Variants in PLXND1 observed in about 807,000 individuals in gnomAD.
The protein encoded by PLXND1 is plexin-D1.
A neutral mutation model predicts 197.7 loss-of-function variants in PLXND1; 54 were observed. The ratio of observed to expected loss-of-function variants is 0.27; its 90% CI spans 0.22 to 0.34. PLXND1 has a LOEUF of 0.34. PLXND1 is among the 10% of genes least tolerant of loss of function. PLXND1 has a pLI of 1.00. For missense variants in PLXND1, 2,127 were observed against 2,699.2 expected (o/e 0.79, Z 4.70); for synonymous variants, 1,180 against 1,161.2 (o/e 1.02, Z -0.33).
At position 129,561,884 on chromosome 3, in the gene PLXND1, T is replaced by C. The variant is rs1420756600; in HGVS notation, c.4845A>G (p.Thr1615=). Residue 1615 remains threonine, a synonymous_variant, in exon 28 of 36, where the codon ACA becomes ACG. Transcript: ENST00000324093. ...CCAGGTCCCGAAGGATGTAGCTCTG[T>C]GTGCTGGAGGCGAACCACTCTGGGG... ...DVDLEWFASS[T]QSYILRDLDD... 6.2e-7 allele frequency: 1 copy of C among 1,613,754 alleles called. No homozygotes were observed. The highest frequency in any genetic ancestry group is 8.5e-7 in the Non-Finnish European group (1 of 1,179,770).
At chr3:129,595,921 G>GTGCACACACACACACA (rs1553793029) in intron 1 of PLXND1, among the ~76,000 whole-genome samples, 1 of 146,410 alleles carries the variant, frequency 6.8e-6, no homozygotes, top group East Asian at 2.1e-4. Flanking sequence ...GTGCACGCAC[G>GTGCACACACACACACA]CACACACACA....
chr3:129,592,279 G>A (rs1383769699), intron 1 of PLXND1, among the ~76,000 whole-genome samples: 1 of 152,206 alleles, frequency 6.6e-6, no homozygotes, highest in Non-Finnish European at 1.5e-5. Context: ...GCAGCTGCAG[G>A]GAAGAGGTGA....
rs756103173 is a variant in PLXND1, at chr3:129,557,196, C to A, written c.5473G>T (p.Ala1825Ser). The change falls in exon 34 of 36, where the codon GCC becomes TCC. Residue 1825 changes from alanine to serine, a missense_variant. Around this residue, in one of 6 missense-constraint regions of PLXND1, gnomAD observed 200 missense variants for 303.3 expected, o/e 0.66. Coordinates refer to ENST00000324093, the MANE Select transcript of PLXND1 (RefSeq NM_015103.3). The surrounding 1 kb of genome is among the most constrained non-coding windows in gnomAD (Gnocchi z 4.8). ...KDSPTNKLLYAKEIPEYRKIV... is the reference protein window; with the variant it reads ...KDSPTNKLLYSKEIPEYRKIV... The stretch of plus-strand genomic sequence containing the variant: ...TTCCGGTACTCAGGAATCTCCTTGG[C>A]GTAGAGGAGCTTGTTGGTTGGCGAA... 6.2e-7 allele frequency: 1 copy of A among 1,614,068 alleles called. No individual in the cohort carries two copies. The highest frequency in any genetic ancestry group is 8.5e-7 in the Non-Finnish European group (1 of 1,180,022).
chr3:129,590,635 C>T (rs2085526861), intron 1 of PLXND1, among the ~76,000 whole-genome samples: 1 of 152,182 alleles, frequency 6.6e-6, no homozygotes, highest in South Asian at 2.1e-4. Flanking sequence ...AAAACTGGTG[C>T]ATAAACAATA....
In PLXND1 at chr3:129,571,554, C is replaced by A. The variant is rs1343169671; in HGVS notation, c.3291G>T (p.Val1097=). ...ITVAGERFHM[V]QNVSMAVHHI... ...GGTGGACGGCCATGGACACATTCTG[C>A]ACCATGTGGAAACGCTCACCAGCCA... The change falls in exon 17 of 36, where the codon GTG becomes GTT. Residue 1097 remains valine, a synonymous_variant. Coordinates refer to ENST00000324093, the MANE Select transcript of PLXND1 (RefSeq NM_015103.3). The A allele has an allele frequency of 1.2e-6, 2 of 1,613,638 alleles. No homozygotes were observed. Among genetic ancestry groups the A allele is most frequent in the Admixed American group, 1.7e-5 (1 of 60,012 alleles).
intron 1 of PLXND1, among the ~76,000 whole-genome samples, chr3:129,599,161 G>A (rs1291012722): frequency 1.3e-5 from 2 of 152,176 alleles, no homozygotes; most frequent in African/African-American, 4.8e-5. Context: ...CTTTGTTCAC[G>A]GCAGCAACCA....
intron 1 of PLXND1, among the ~76,000 whole-genome samples, chr3:129,592,925 G>A (rs1578354771): frequency 6.6e-6 from 1 of 152,292 alleles, no homozygotes; most frequent in East Asian, 1.9e-4. Context: ...TCGGGGACTA[G>A]ACGTCCTGAG....
At chr3:129,597,942 C>T (rs1417924030) in intron 1 of PLXND1, among the ~76,000 whole-genome samples, 2 of 152,200 alleles carry the variant, frequency 1.3e-5, no homozygotes, top group African/African-American at 4.8e-5. Flanking sequence ...CCTGGTCCAG[C>T]CACAGTGGGG....
At chr3:129,605,194 G>C (rs1322390680) in intron 1 of PLXND1, 135 bp downstream of exon 1, 1 of 417,242 alleles carries the variant, frequency 2.4e-6, no homozygotes, top group Non-Finnish European at 3.9e-6. Context: ...GCACACCTGG[G>C]TTCCACGTAC....
rs775216644 is a variant in PLXND1 at position 129,574,458 on chromosome 3, C to T, written c.2563G>A (p.Asp855Asn). ...TCGCGGCCCAGGCACTGGGAACAGT[C>T]GGGGCTGCCCATGGCACAGTTATAG... ...MVYNCAMGSPDCSQCLGREDL... is the reference protein window; with the variant it reads ...MVYNCAMGSPNCSQCLGREDL... The change falls in exon 12 of 36, where the codon GAC becomes AAC. Residue 855 changes from aspartate to asparagine, a missense_variant. By Grantham distance (23) the Asp-to-Asn change is conservative. Around this residue, in one of 6 missense-constraint regions of PLXND1, gnomAD observed 1,095 missense variants for 1,259.8 expected, o/e 0.87. Transcript: ENST00000324093. 6.2e-7 allele frequency: 1 copy of T among 1,613,096 alleles called. No homozygotes were observed. Among genetic ancestry groups the T allele is most frequent in the Non-Finnish European group, 8.5e-7 (1 of 1,179,918 alleles).
intron 25 of PLXND1, among the ~76,000 whole-genome samples, chr3:129,564,530 C>A (rs1224913810): frequency 6.6e-6 from 1 of 152,232 alleles, no homozygotes; most frequent in African/African-American, 2.4e-5. Flanking sequence ...CGGTTCTGGG[C>A]TCCAGGCAGG....
intron 1 of PLXND1, among the ~76,000 whole-genome samples, chr3:129,592,487 C>G (rs2085558306): frequency 6.6e-6 from 1 of 152,206 alleles, no homozygotes. Context: ...TTGGGCATAC[C>G]CTGACATCCA....
At chr3:129,591,522 A>C (rs956715884) in intron 1 of PLXND1, 1 of 152,334 alleles carries the variant, frequency 6.6e-6, no homozygotes, top group African/African-American at 2.4e-5. Context: ...AGGTTGCCTA[A>C]GGAGGGGTGA....
At chr3:129,562,548 TC>T (rs1362044649) in intron 27 of PLXND1, 2 of 437,638 alleles carry the variant, frequency 4.6e-6, no homozygotes, top group Non-Finnish European at 8.1e-6. Flanking sequence ...CCAGCATCCC[TC>T]CTTTAGGAAT....
intron 20 of PLXND1, among the ~76,000 whole-genome samples, chr3:129,568,713 T>C (rs961389828): frequency 2.6e-5 from 4 of 152,088 alleles, no homozygotes; most frequent in African/African-American, 7.2e-5. Flanking sequence ...CATGCCCAGG[T>C]AATTTTTGTA....
At chr3:129,601,286 T>C (rs2085704326) in intron 1 of PLXND1, among the ~76,000 whole-genome samples, 1 of 152,210 alleles carries the variant, frequency 6.6e-6, no homozygotes, top group African/African-American at 2.4e-5. Flanking sequence ...CGAGGTTCTC[T>C]GCCTCTGGCC....
chr3:129,567,866 C>T (rs1352445533), intron 20 of PLXND1, 61 bp from the exon 21 acceptor site: 1 of 998,924 alleles, frequency 1.0e-6, no homozygotes, highest in Non-Finnish European at 1.5e-6. Context: ...TTTATTGGCG[C>T]CTGCTGTATT....
intron 8 of PLXND1, among the ~76,000 whole-genome samples, chr3:129,579,805 G>T (rs750467751): frequency 2.0e-5 from 3 of 152,198 alleles, no homozygotes; most frequent in East Asian, 1.9e-4. Context: ...CAGGCCAAAG[G>T]CCTTGGGACA....
At chr3:129,588,752 C>T (rs561646805) in intron 2 of PLXND1, among the ~76,000 whole-genome samples, 1 of 152,344 alleles carries the variant, frequency 6.6e-6, no homozygotes, top group East Asian at 1.9e-4. Flanking sequence ...GGGGGTCTGG[C>T]CCAGGCTCCG....
Sources: allele counts gnomAD v4.1 joint callset (sites outside exome capture counted in the v4.1 genomes callset), GRCh38; gene constraint gnomAD v4.1.1; regional missense constraint gnomAD v4.1.1; non-coding constraint Gnocchi (gnomAD v3.1); transcripts MANE v1.5; gene names NCBI Gene and HGNC (gene_info 2026-07-23, HGNC 2026-07-21).